Variants in WWOX observed in about 807,000 individuals in gnomAD.
The protein encoded by WWOX is WW domain-containing oxidoreductase.
WWOX carries 69 observed loss-of-function variants against 46.2 expected under a neutral mutation model. That is an observed-to-expected ratio of 1.49 (90% CI 1.23 to 1.82). The LOEUF (loss-of-function observed/expected upper bound fraction) is 1.82, where lower values mean the gene tolerates loss of function less well. Ranked by LOEUF, WWOX falls within the 40% of genes most tolerant of loss-of-function variation. WWOX has a pLI of 0.00. For missense variants in WWOX, 919 were observed against 542.6 expected (o/e 1.69, Z -6.89); for synonymous variants, 359 against 202.6 (o/e 1.77, Z -6.56).
At chr16:78,947,420 C>T (rs755921539) in intron 8 of WWOX, among the ~76,000 whole-genome samples, 39 of 152,200 alleles carry the variant, frequency 2.6e-4, no homozygotes, top group Non-Finnish European at 5.0e-4. Context: ...GCAGGTGCAT[C>T]TTGCTTTTGA....
intron 5 of WWOX, among the ~76,000 whole-genome samples, chr16:78,314,008 C>G (rs555501821): frequency 6.6e-6 from 1 of 152,270 alleles, no homozygotes; most frequent in Admixed American, 6.5e-5. Context: ...TTCTAACAAG[C>G]TGCTTCATCT....
At chr16:78,867,108 C>A (rs1002828920) in intron 8 of WWOX, among the ~76,000 whole-genome samples, 1 of 152,024 alleles carries the variant, frequency 6.6e-6, no homozygotes, top group South Asian at 2.1e-4. Context: ...GTTCTTAGCT[C>A]ACTAAAAGTG....
At chr16:78,412,207 T>A (rs1039793021) in intron 6 of WWOX, among the ~76,000 whole-genome samples, 2 of 152,180 alleles carry the variant, frequency 1.3e-5, no homozygotes, top group African/African-American at 4.8e-5. Context: ...GGATAGCACA[T>A]TGTTTTCCTA....
chr16:78,703,822 G>C (rs1226670897), intron 8 of WWOX, among the ~76,000 whole-genome samples: 1 of 152,054 alleles, frequency 6.6e-6, no homozygotes, highest in Non-Finnish European at 1.5e-5. Context: ...TGCTGGTACT[G>C]CTGTGGGCAC....
intron 8 of WWOX, among the ~76,000 whole-genome samples, chr16:79,007,610 C>G (rs140626638): frequency 2.6e-5 from 4 of 152,316 alleles, no homozygotes; most frequent in African/African-American, 9.6e-5. Flanking sequence ...TTTGCAGAAG[C>G]TAAGCACTTT....
intron 5 of WWOX, among the ~76,000 whole-genome samples, chr16:78,232,367 A>T (rs1011121394): frequency 3.2e-4 from 48 of 152,182 alleles, no homozygotes; most frequent in Admixed American, 1.3e-4. Flanking sequence ...ATTCTTGTAC[A>T]ATTAACTCAG....
intron 8 of WWOX, among the ~76,000 whole-genome samples, chr16:79,185,967 C>CGT (rs113299262): frequency 0.029 from 4,287 of 149,638 alleles, 103 homozygotes; most frequent in African/African-American, 0.059. Flanking sequence ...TGTGTGCATG[C>CGT]GTGTGTGTGT....
At chr16:78,599,284 G>A (rs978438672) in intron 8 of WWOX, among the ~76,000 whole-genome samples, 2 of 152,138 alleles carry the variant, frequency 1.3e-5, no homozygotes, top group Non-Finnish European at 2.9e-5. Context: ...TGAACCTCCG[G>A]GATCTCTCAG....
chr16:78,823,456 C>T (rs2051560909), intron 8 of WWOX, among the ~76,000 whole-genome samples: 2 of 152,188 alleles, frequency 1.3e-5, no homozygotes, highest in African/African-American at 2.4e-5. Flanking sequence ...CTTATCATCA[C>T]CTGAATGTTC....
intron 8 of WWOX, among the ~76,000 whole-genome samples, chr16:78,726,671 C>A (rs951541618): frequency 9.2e-5 from 14 of 151,556 alleles, no homozygotes; most frequent in African/African-American, 2.7e-4. Context: ...TTTATTAGGG[C>A]TTTATGTAAA....
At chr16:78,613,583 G>A (rs8051640) in intron 8 of WWOX, among the ~76,000 whole-genome samples, 15,698 of 152,166 alleles carry the variant, frequency 0.1, 1,053 homozygotes, top group African/African-American at 0.19. Context: ...GTTCTCCACT[G>A]GTTCAACACA....
In WWOX at chr16:78,841,116, A is replaced by G. The variant is rs186089650; in HGVS notation, c.1057-370492A>G. ...TCATTTCGGTAAAAAACTTGTTTCCATTGATCTGACCCCAGAATTCCCTGT... is the reference window on the plus strand; with the variant it reads ...TCATTTCGGTAAAAAACTTGTTTCCGTTGATCTGACCCCAGAATTCCCTGT... On this transcript the variant is annotated intron_variant, in intron 8 of 8. Transcript: ENST00000566780. Among the ~76,000 whole-genome samples, 206 of 152,252 alleles carry G rather than the reference A, an allele frequency of 1.4e-3. 1 individual carries two copies. The highest frequency in any genetic ancestry group is 4.7e-3 in the African/African-American group (195 of 41,556).
intron 8 of WWOX, among the ~76,000 whole-genome samples, chr16:78,830,130 C>G (rs1056908695): frequency 1.3e-5 from 2 of 151,794 alleles, no homozygotes; most frequent in Admixed American, 6.6e-5. Context: ...AAAAAATAAA[C>G]AAAATACTTC....
intron 5 of WWOX, among the ~76,000 whole-genome samples, chr16:78,372,714 A>T (rs2081722052): frequency 6.6e-6 from 1 of 152,176 alleles, no homozygotes; most frequent in Non-Finnish European, 1.5e-5. Context: ...TTAAGGTCAG[A>T]TTAATCTTTA....
At chr16:78,688,853 C>T (rs28438729) in intron 8 of WWOX, among the ~76,000 whole-genome samples, 52,801 of 151,886 alleles carry the variant, frequency 0.35, 9,910 homozygotes, top group African/African-American at 0.42. Flanking sequence ...GTGCAGTTAC[C>T]CCCATGATGT....
chr16:78,297,263 A>G (rs2079958303), intron 5 of WWOX, among the ~76,000 whole-genome samples: 1 of 152,168 alleles, frequency 6.6e-6, no homozygotes, highest in Non-Finnish European at 1.5e-5. Flanking sequence ...GTTTCTGCAC[A>G]GCTTTGATCT....
intron 8 of WWOX, among the ~76,000 whole-genome samples, chr16:78,711,638 C>G (rs1281682922): frequency 2.6e-5 from 4 of 152,150 alleles, no homozygotes; most frequent in Admixed American, 2.0e-4. Flanking sequence ...ATAACATCGT[C>G]TGATAAATGT....
chr16:78,498,585 C>G (rs146663314), intron 8 of WWOX, among the ~76,000 whole-genome samples: 119 of 152,266 alleles, frequency 7.8e-4, no homozygotes, highest in African/African-American at 2.4e-3. Flanking sequence ...GAGCAACACA[C>G]AAGGATTGGG....
chr16:78,460,416 C>T (rs1402441235), intron 8 of WWOX, among the ~76,000 whole-genome samples: 7 of 152,306 alleles, frequency 4.6e-5, no homozygotes, highest in South Asian at 4.1e-4. Flanking sequence ...CTGATACTTT[C>T]CTTAGTTGTT....
Sources: gnomAD v4.1 joint callset for allele counts (sites outside exome capture counted in the v4.1 genomes callset) on GRCh38, gnomAD v4.1.1 for gene constraint, MANE v1.5 for transcripts, NCBI Gene and HGNC (gene_info 2026-07-23, HGNC 2026-07-21) for gene names.